MAPK8IP3: variants seen among roughly 807,000 people sequenced by gnomAD.
MAPK8IP3 encodes C-Jun-amino-terminal kinase-interacting protein 3.
MAPK8IP3 carries 49 observed loss-of-function variants against 157.8 expected under a neutral mutation model. That is an observed-to-expected ratio of 0.31 (90% confidence interval 0.25 to 0.39). The LOEUF is 0.39. MAPK8IP3 is among the 10% of genes least tolerant of loss of function. MAPK8IP3 has a pLI of 1.00. For missense variants in MAPK8IP3, 1,478 were observed against 1,889.4 expected (o/e 0.78, Z 4.04); for synonymous variants, 897 against 777.7 (o/e 1.15, Z -2.55).
intron 4 of MAPK8IP3, among the ~76,000 whole-genome samples, chr16:1,738,523 C>T (rs529009390): frequency 2.5e-4 from 26 of 105,080 alleles, no homozygotes; most frequent in African/African-American, 9.7e-4. Context: ...TCCATGTGAG[C>T]ATCTGTGTGA....
Position 1,762,729 on chromosome 16 carries a change from G to C in MAPK8IP3, c.1725G>C (p.Gln575His). 6.3e-7 allele frequency: 1 copy of C among 1,580,376 alleles called. No homozygotes were observed. Among genetic ancestry groups the C allele is most frequent in the Non-Finnish European group, 8.6e-7 (1 of 1,161,172 alleles). ...VQEKKKSTIW[Q>H]FFSRLFSSSS... ...AGAAGAAGAAGTCGACCATCTGGCA[G>C]TTGTAAGCTGGGGGCCCCTGGGGGA... The change falls in exon 15 of 32, where the codon CAG (glutamine) becomes CAC (histidine). Residue 575 changes from glutamine to histidine, a missense_variant and splice_region_variant. Coordinates refer to ENST00000610761, the MANE Select transcript of MAPK8IP3 (RefSeq NM_001318852.2).
rs1426250142 is a variant in MAPK8IP3, at chr16:1,737,821, C to T, written c.603-5511C>T. 1.2e-4 allele frequency among the ~76,000 whole-genome samples: 10 copies of T among 81,218 alleles called. 1 individual carries two copies. Among genetic ancestry groups the T allele is most frequent in the East Asian group, 4.8e-4 (1 of 2,094 alleles). 53.3% of individuals were successfully genotyped at this position (81,218 alleles called of 152,430 possible). The stretch of plus-strand genomic sequence containing the variant: ...CCATGTGACCGTCCGTGTGAGCGTC[C>T]GTGTGAGCGTGACTGTCCGTGTGTG... On this transcript the variant is annotated intron_variant, in intron 4 of 31. Coordinates refer to ENST00000610761, the MANE Select transcript of MAPK8IP3 (RefSeq NM_001318852.2).
Position 1,762,582 on chromosome 16 carries a change from G to T in MAPK8IP3, c.1671-93G>T. ...CTCCCTGTCTTCTGGGGGGACTGAAGTGCGCTGGGTGCTTCCTGGCGGGAG... is the reference window on the plus strand; with the variant it reads ...CTCCCTGTCTTCTGGGGGGACTGAATTGCGCTGGGTGCTTCCTGGCGGGAG... On this transcript the variant is annotated intron_variant, in intron 14 of 31. Coordinates refer to ENST00000610761, the MANE Select transcript of MAPK8IP3 (RefSeq NM_001318852.2). 3 of 1,556,894 alleles carry T rather than the reference G, an allele frequency of 1.9e-6. No individual in the cohort carries two copies. In the Admixed American group the frequency reaches 5.6e-5, roughly 29 times the overall value.
At chr16:1,717,451 C>A (rs766816608) in intron 1 of MAPK8IP3, among the ~76,000 whole-genome samples, 5 of 152,146 alleles carry the variant, frequency 3.3e-5, no homozygotes, top group Non-Finnish European at 7.4e-5. Flanking sequence ...CCATGTTTTC[C>A]TTCATTTTGT....
At chr16:1,755,928 AT>A (rs1246904317) in intron 8 of MAPK8IP3, among the ~76,000 whole-genome samples, 19 of 152,174 alleles carry the variant, frequency 1.2e-4, no homozygotes. Flanking sequence ...AATTTCGGAA[AT>A]AATAAAGAAA....
intron 24 of MAPK8IP3, 47 bp from the exon 25 acceptor site, chr16:1,766,857 G>A: frequency 6.2e-7 from 1 of 1,611,476 alleles, no homozygotes; most frequent in Non-Finnish European, 8.5e-7. Context: ...GGCGGAGGGG[G>A]CTGGCACAGC....
At chr16:1,729,311 T>C in intron 3 of MAPK8IP3, 103 bp downstream of exon 3, 3 of 1,371,858 alleles carry the variant, frequency 2.2e-6, no homozygotes, top group Non-Finnish European at 3.1e-6. Flanking sequence ...GGCATGTCCC[T>C]TTTCTAGCAT....
rs2038706087 is a variant in MAPK8IP3 at position 1,724,033 on chromosome 16, G to C, written c.319-524G>C. Among the ~76,000 whole-genome samples, 1 of 152,176 alleles carries C rather than the reference G, an allele frequency of 6.6e-6. No individual in the cohort carries two copies. The highest frequency in any genetic ancestry group is 2.4e-5 in the African/African-American group (1 of 41,444). ...TGAGCTGCAACTGACATGCAGAAAAGTAGGCTCAACCTTGTTCTTAGGCGT... is the reference window on the plus strand; with the variant it reads ...TGAGCTGCAACTGACATGCAGAAAACTAGGCTCAACCTTGTTCTTAGGCGT... On this transcript the variant is annotated intron_variant, in intron 1 of 31. Transcript: ENST00000610761. The surrounding 1 kb of genome is among the most constrained non-coding windows in gnomAD (Gnocchi z 4.1).
intron 4 of MAPK8IP3, among the ~76,000 whole-genome samples, chr16:1,738,792 TGA>T (rs1203695559): frequency 1.2e-4 from 15 of 129,864 alleles, no homozygotes; most frequent in Admixed American, 2.3e-4. Flanking sequence ...AGCGTCCGTG[TGA>T]GTGTGACCAC....
chr16:1,759,046 G>A (rs775388209), intron 10 of MAPK8IP3, 51 bp downstream of exon 10: 1 of 1,609,292 alleles, frequency 6.2e-7, no homozygotes, highest in Admixed American at 1.7e-5. Context: ...CCCCGACATG[G>A]TCTCCTGCTT....
chr16:1,730,586 G>A (rs747640557), intron 4 of MAPK8IP3, among the ~76,000 whole-genome samples: 4 of 151,986 alleles, frequency 2.6e-5, no homozygotes, highest in African/African-American at 2.4e-5. Context: ...AAACACTCCT[G>A]TAATCCCAGC....
At position 1,747,160 on chromosome 16, in the gene MAPK8IP3, G is replaced by T; in HGVS notation, c.879G>T (p.Leu293=). The T allele has an allele frequency of 6.2e-7, 1 of 1,614,056 alleles. No homozygotes were observed. The highest frequency in any genetic ancestry group is 8.5e-7 in the Non-Finnish European group (1 of 1,180,030). Residue 293 remains leucine (L), a synonymous_variant, in exon 6 of 32, where the codon CTG becomes CTT. Coordinates refer to ENST00000610761, the MANE Select transcript of MAPK8IP3 (RefSeq NM_001318852.2). ...CCGTCACACCCCTCAACGAGAGCCT[G>T]CAGCCCCTGGGGGACTATGGCGTGG... ...SAAVTPLNES[L]QPLGDYGVGS... is the part of the protein sequence containing the mutation.
rs1567214020 is a variant in MAPK8IP3, at chr16:1,767,792, C to T, written c.3410-13C>T. 2 of 1,611,412 alleles carry T rather than the reference C, an allele frequency of 1.2e-6. No individual in the cohort carries two copies. The highest frequency in any genetic ancestry group is 2.2e-5 in the South Asian group (2 of 91,074). On this transcript the variant is annotated splice_polypyrimidine_tract_variant and intron_variant, in intron 27 of 31. Coordinates refer to ENST00000610761, the MANE Select transcript of MAPK8IP3 (RefSeq NM_001318852.2). ...TGCTCAAGGCCAGCCACCCTGACCGCTCTCCCCCACAGGCACTGGCAAGCT... is the reference window on the plus strand; with the variant it reads ...TGCTCAAGGCCAGCCACCCTGACCGTTCTCCCCCACAGGCACTGGCAAGCT...
chr16:1,768,083 C>T lies in MAPK8IP3; in HGVS notation c.3538C>T (p.Arg1180Ter), dbSNP rs759504003. 1.9e-6 allele frequency: 3 copies of T among 1,612,326 alleles called. No homozygotes were observed. The highest frequency in any genetic ancestry group is 2.2e-5 in the East Asian group (1 of 44,878). Residue 1180 changes from arginine to a stop codon, truncating the protein, a stop_gained, in exon 29 of 32, where the codon CGA becomes TGA. Coordinates refer to ENST00000610761, the MANE Select transcript of MAPK8IP3 (RefSeq NM_001318852.2). LOFTEE classifies it high-confidence loss of function. ...CATGTCCCCAGCTGTGGTCCTGCAC[C>T]GAGGCCAGCTCCTGGGGCTCCGAGG... ...IPLTETVVLH[R>*]GQLLGLRANK...
rs759507704 is a variant in MAPK8IP3, at chr16:1,748,199, G to T, written c.995-45G>T. The T allele has an allele frequency of 9.5e-6, 14 of 1,467,198 alleles. No individual in the cohort carries two copies. The Middle Eastern group carries it at 7.2e-4, about 75-fold the overall frequency. 90.9% of individuals were successfully genotyped at this position (1,467,198 alleles called of 1,614,324 possible). On this transcript the variant is annotated intron_variant, in intron 6 of 31. Coordinates refer to ENST00000610761, the MANE Select transcript of MAPK8IP3 (RefSeq NM_001318852.2). ...GGCAGCCGTGAGCAGGGCAGAGGCT[G>T]CCAGACCCTCTCCTGACCCCAGGTG...
Position 1,724,713 on chromosome 16 carries a change from T to C in MAPK8IP3, c.439+36T>C, listed in dbSNP as rs1321874148. 2 of 1,602,934 alleles carry C rather than the reference T, an allele frequency of 1.2e-6. No homozygotes were observed. Among genetic ancestry groups the C allele is most frequent in the Middle Eastern group, 3.7e-4 (2 of 5,462 alleles). The stretch of plus-strand genomic sequence containing the variant: ...GGCGGGAGCCTGGAGGCGCGCTTGA[T>C]GGGCGCTGCTCTGGGACGGCTCTGG... On this transcript the variant is annotated intron_variant, in intron 2 of 31. Coordinates refer to ENST00000610761, the MANE Select transcript of MAPK8IP3 (RefSeq NM_001318852.2). The surrounding 1 kb of genome is among the most constrained non-coding windows in gnomAD (Gnocchi z 4.1).
At chr16:1,734,789 C>T (rs982884715) in intron 4 of MAPK8IP3, among the ~76,000 whole-genome samples, 1 of 152,284 alleles carries the variant, frequency 6.6e-6, no homozygotes, top group Non-Finnish European at 1.5e-5. Context: ...CCCCTTGATT[C>T]ACCATGAGGG....
chr16:1,755,697 A>G lies in MAPK8IP3; in HGVS notation c.1217-2451A>G, dbSNP rs138952388. ...CCCCATCTCTACTAAAAATACAAAAATTACCTGGGCCTGGTGACACATGCC... is the reference window on the plus strand; with the variant it reads ...CCCCATCTCTACTAAAAATACAAAAGTTACCTGGGCCTGGTGACACATGCC... On this transcript the variant is annotated intron_variant, in intron 8 of 31. Transcript: ENST00000610761. Among the ~76,000 whole-genome samples the G allele has an allele frequency of 3.2e-3, 483 of 152,106 alleles. 1 individual carries two copies. Among genetic ancestry groups the G allele is most frequent in the African/African-American group, 0.011 (468 of 41,486 alleles).
At chr16:1,740,483 C>G (rs1456141079) in intron 4 of MAPK8IP3, among the ~76,000 whole-genome samples, 1 of 151,874 alleles carries the variant, frequency 6.6e-6, no homozygotes, top group African/African-American at 2.4e-5. Flanking sequence ...GTGTGAGCAT[C>G]TGTGTGACCG....
Sources: gnomAD v4.1 joint callset for allele counts (sites outside exome capture counted in the v4.1 genomes callset) on GRCh38, gnomAD v4.1.1 for gene constraint, Gnocchi (gnomAD v3.1) non-coding constraint, MANE v1.5 for transcripts, NCBI Gene and HGNC (gene_info 2026-07-23, HGNC 2026-07-21) for gene names.